ACTMAP: variants seen among roughly 807,000 people sequenced by gnomAD.
ACTMAP encodes the protein UPF0692 protein C19orf54.
the ACTMAP span, chr19:40,750,002 A>G: frequency 2.1e-6 from 1 of 467,184 alleles, no homozygotes; most frequent in Non-Finnish European, 3.7e-6. Flanking sequence ...GACTCAAGTC[A>G]TAAGGCACCT....
chr19:40,744,056 C>T, the ACTMAP span: 1 of 1,613,964 alleles, frequency 6.2e-7, no homozygotes, highest in Non-Finnish European at 8.5e-7. Flanking sequence ...CTCTCCCAGG[C>T]CCTGGGATAC....
At chr19:40,744,133 C>T in the ACTMAP span, 1 of 1,612,408 alleles carries the variant, frequency 6.2e-7, no homozygotes, top group African/African-American at 1.3e-5. Flanking sequence ...ACCGCCCAGG[C>T]CACCAGAGAG....
chr19:40,746,210 TTTTG>T, the ACTMAP span, among the ~76,000 whole-genome samples: 20 of 148,248 alleles, frequency 1.3e-4, no homozygotes, highest in East Asian at 5.8e-4. Flanking sequence ...ATTCATTCCT[TTTTG>T]TTTGTTTGTT....
the ACTMAP span, chr19:40,742,473 C>G: frequency 6.1e-6 from 9 of 1,475,610 alleles, no homozygotes; most frequent in Non-Finnish European, 8.1e-6. Context: ...CAGGGCCTGG[C>G]CACAGAGGCC....
At chr19:40,749,947 AC>A in the ACTMAP span, 2 of 618,334 alleles carry the variant, frequency 3.2e-6, no homozygotes, top group Non-Finnish European at 5.2e-6. Flanking sequence ...GTGTGAAAGG[AC>A]CAGGGCTAAT....
At chr19:40,749,851 AGGAT>A in the ACTMAP span, 12 of 1,301,396 alleles carry the variant, frequency 9.2e-6, no homozygotes, top group East Asian at 2.8e-5. Context: ...CGGGGAGGGA[AGGAT>A]CCTCCAACGG....
chr19:40,749,747 A>G, the ACTMAP span: 4 of 1,492,172 alleles, frequency 2.7e-6, no homozygotes, highest in East Asian at 2.5e-5. Flanking sequence ...CTTGGGGTAC[A>G]GGGGTTTTTG....
At chr19:40,748,455 G>C in the ACTMAP span, among the ~76,000 whole-genome samples, 14 of 152,046 alleles carry the variant, frequency 9.2e-5, no homozygotes, top group East Asian at 1.7e-3. Context: ...TCTTCAGCCA[G>C]GCAATCACTA....
chr19:40,749,811 T>C, the ACTMAP span: 1 of 1,444,162 alleles, frequency 6.9e-7, no homozygotes, highest in Non-Finnish European at 9.1e-7. Flanking sequence ...CATTTTGGGG[T>C]CTACAGGAGG....
chr19:40,745,313 G>C, the ACTMAP span: 1 of 1,020,460 alleles, frequency 9.8e-7, no homozygotes, highest in Admixed American at 2.0e-5. Flanking sequence ...GGGCCTGGCT[G>C]TCCTAAGGCT....
At chr19:40,746,596 C>T in the ACTMAP span, among the ~76,000 whole-genome samples, 111 of 152,266 alleles carry the variant, frequency 7.3e-4, no homozygotes, top group Non-Finnish European at 1.2e-3. Flanking sequence ...AGGATGGTCT[C>T]GATCTCCTGA....
chr19:40,741,314 A>G, the ACTMAP span: 1 of 238,734 alleles, frequency 4.2e-6, no homozygotes, highest in Non-Finnish European at 8.0e-6. Flanking sequence ...ATGGTGGTGC[A>G]TGCCTGTAAT....
At chr19:40,741,333 C>T in the ACTMAP span, 4 of 212,768 alleles carry the variant, frequency 1.9e-5, no homozygotes, top group Non-Finnish European at 2.8e-5. Context: ...ATCCCAGTTA[C>T]TTGGGGGGCT....
the ACTMAP span, among the ~76,000 whole-genome samples, chr19:40,748,688 A>G: frequency 1.3e-5 from 2 of 152,292 alleles, no homozygotes; most frequent in East Asian, 3.9e-4. Context: ...CCGCTTTCAC[A>G]GCCCCATGTT....
chr19:40,743,988 T>A, the ACTMAP span: 3 of 1,613,866 alleles, frequency 1.9e-6, no homozygotes, highest in Non-Finnish European at 2.5e-6. Context: ...GGTGCTGGCA[T>A]TAAGGTAAAA....
At chr19:40,741,084 A>G in the ACTMAP span, 2 of 398,812 alleles carry the variant, frequency 5.0e-6, no homozygotes, top group East Asian at 7.1e-5. Flanking sequence ...GGGGATGCAC[A>G]GACAGGCTGA....
At chr19:40,750,077 G>A in the ACTMAP span, among the ~76,000 whole-genome samples, 4 of 152,140 alleles carry the variant, frequency 2.6e-5, no homozygotes, top group East Asian at 7.7e-4. Flanking sequence ...GGGTTACCTC[G>A]GGAGTCTTAG....
At chr19:40,744,746 G>A in the ACTMAP span, 15 of 1,531,494 alleles carry the variant, frequency 9.8e-6, no homozygotes, top group African/African-American at 1.4e-5. Flanking sequence ...GGAAGCTGGA[G>A]TTGGGGAACA....
the ACTMAP span, chr19:40,745,179 A>G: frequency 6.4e-7 from 1 of 1,551,718 alleles, no homozygotes; most frequent in African/African-American, 1.4e-5. Flanking sequence ...AAGAGGATCC[A>G]CCGCAGGTCA....
Sources: gnomAD v4.1 joint callset for allele counts (sites outside exome capture counted in the v4.1 genomes callset) on GRCh38, gnomAD v4.1.1 for gene constraint, MANE v1.5 for transcripts, NCBI Gene and HGNC (gene_info 2026-07-23, HGNC 2026-07-21) for gene names.